Variants in SCHIP1 observed in about 807,000 individuals in gnomAD.
The protein encoded by SCHIP1 is schwannomin interacting protein 1, also known as schwannomin-interacting protein 1.
A neutral mutation model predicts 29.7 loss-of-function variants in SCHIP1; 8 were observed. The ratio of observed to expected loss-of-function variants is 0.27; its 90% CI spans 0.16 to 0.49. The LOEUF is 0.49. SCHIP1 is among the 20% of genes least tolerant of loss of function. SCHIP1 has a pLI of 0.99. For missense variants in SCHIP1, 193 were observed against 294.6 expected (o/e 0.66, Z 2.52); for synonymous variants, 76 against 94.9 (o/e 0.80, Z 1.16).
At chr3:159,409,922 C>T in the SCHIP1 span, among the ~76,000 whole-genome samples, 1 of 152,228 alleles carries the variant, frequency 6.6e-6, no homozygotes, top group Admixed American at 6.5e-5. Flanking sequence ...TGGCATAAAA[C>T]AGACACACAG....
chr3:159,279,626 C>T, the SCHIP1 span, among the ~76,000 whole-genome samples: 1 of 152,100 alleles, frequency 6.6e-6, no homozygotes, highest in Non-Finnish European at 1.5e-5. Context: ...CTGGTATAGC[C>T]TGCTAGATCT....
the SCHIP1 span, among the ~76,000 whole-genome samples, chr3:159,773,941 A>C: frequency 6.6e-6 from 1 of 152,382 alleles, no homozygotes; most frequent in Non-Finnish European, 1.5e-5. Context: ...CCCATAAAAT[A>C]GTCTAGATTA....
intron 1 of SCHIP1, among the ~76,000 whole-genome samples, chr3:159,843,888 G>C (rs1744525678): frequency 7.3e-6 from 1 of 137,086 alleles, no homozygotes; most frequent in Admixed American, 7.3e-5. Flanking sequence ...CTTGTTTTAT[G>C]ACTTTCAGTC....
the SCHIP1 span, among the ~76,000 whole-genome samples, chr3:159,589,390 A>C: frequency 6.6e-6 from 1 of 152,216 alleles, no homozygotes; most frequent in East Asian, 1.9e-4. Context: ...CTAGATATAC[A>C]GTCATGTCAT....
chr3:159,720,179 G>A, the SCHIP1 span, among the ~76,000 whole-genome samples: 27 of 136,808 alleles, frequency 2.0e-4, no homozygotes, highest in African/African-American at 7.1e-4. Context: ...ATTGAACAAT[G>A]AGAACTCTTG....
the SCHIP1 span, among the ~76,000 whole-genome samples, chr3:159,332,483 G>A: frequency 3.3e-5 from 5 of 152,090 alleles, no homozygotes; most frequent in East Asian, 1.9e-4. Context: ...CTATTTCACT[G>A]TTTATGAAAT....
chr3:159,436,367 A>G, the SCHIP1 span, among the ~76,000 whole-genome samples: 2 of 152,132 alleles, frequency 1.3e-5, no homozygotes, highest in Non-Finnish European at 2.9e-5. Context: ...TCATCTGTAA[A>G]ATGAGATAAT....
the SCHIP1 span, among the ~76,000 whole-genome samples, chr3:159,373,931 A>G: frequency 4.6e-5 from 7 of 152,174 alleles, no homozygotes. Context: ...CTTTTTGGGT[A>G]ATACTCACAA....
chr3:159,637,371 CCACA>C, the SCHIP1 span, among the ~76,000 whole-genome samples: 8,302 of 134,520 alleles, frequency 0.062, 274 homozygotes, highest in African/African-American at 0.063. Flanking sequence ...CCGGCCCCAG[CCACA>C]CACACACACA....
chr3:159,426,342 C>T, the SCHIP1 span, among the ~76,000 whole-genome samples: 4 of 151,956 alleles, frequency 2.6e-5, no homozygotes, highest in Non-Finnish European at 5.9e-5. Context: ...TAAAAAATGA[C>T]AAAGGGGATA....
the SCHIP1 span, among the ~76,000 whole-genome samples, chr3:159,792,991 C>T: frequency 2.6e-5 from 4 of 152,282 alleles, no homozygotes; most frequent in East Asian, 7.7e-4. Flanking sequence ...CTCCTTGACT[C>T]ACAATGGTCT....
chr3:159,473,444 G>A, the SCHIP1 span, among the ~76,000 whole-genome samples: 1 of 151,982 alleles, frequency 6.6e-6, no homozygotes, highest in Non-Finnish European at 1.5e-5. Flanking sequence ...TTAGAAAAAT[G>A]TGAATAAAAG....
the SCHIP1 span, among the ~76,000 whole-genome samples, chr3:159,595,333 T>A: frequency 6.6e-6 from 1 of 152,024 alleles, no homozygotes; most frequent in Admixed American, 6.6e-5. Flanking sequence ...TCAGTGAAGG[T>A]TATTCCTGCT....
the SCHIP1 span, among the ~76,000 whole-genome samples, chr3:159,397,407 G>A: frequency 6.6e-6 from 1 of 152,166 alleles, no homozygotes; most frequent in Non-Finnish European, 1.5e-5. Flanking sequence ...CTGCTTTTTA[G>A]AGTTTCCAGT....
At chr3:159,867,715 A>G (rs1398478668) in intron 2 of SCHIP1, among the ~76,000 whole-genome samples, 2 of 152,160 alleles carry the variant, frequency 1.3e-5, no homozygotes, top group African/African-American at 2.4e-5. Flanking sequence ...GCTTTGGCCT[A>G]GGAACCTGGA....
At chr3:159,412,318 A>G in the SCHIP1 span, among the ~76,000 whole-genome samples, 1 of 152,210 alleles carries the variant, frequency 6.6e-6, no homozygotes, top group Non-Finnish European at 1.5e-5. Context: ...TATGAGGATT[A>G]TTATCAAACT....
chr3:159,733,913 A>G, the SCHIP1 span, among the ~76,000 whole-genome samples: 5 of 152,164 alleles, frequency 3.3e-5, no homozygotes, highest in African/African-American at 9.7e-5. Context: ...TTTCTCATTC[A>G]GAAACATTGG....
chr3:159,697,253 G>A, the SCHIP1 span, among the ~76,000 whole-genome samples: 11 of 152,190 alleles, frequency 7.2e-5, no homozygotes. Flanking sequence ...AAAAAGACAT[G>A]AGGGAGAAGA....
chr3:159,697,471 G>C, the SCHIP1 span, among the ~76,000 whole-genome samples: 1 of 152,250 alleles, frequency 6.6e-6, no homozygotes, highest in East Asian at 1.9e-4. Flanking sequence ...ATCCCATTAA[G>C]CTATAGGTCT....
Sources: gnomAD v4.1 joint callset for allele counts (sites outside exome capture counted in the v4.1 genomes callset) on GRCh38, gnomAD v4.1.1 for gene constraint, MANE v1.5 for transcripts, NCBI Gene and HGNC (gene_info 2026-07-23, HGNC 2026-07-21) for gene names.